The following POLRMT variants were observed in gnomAD, a reference collection of about 807,000 sequenced individuals.
POLRMT encodes RNA polymerase mitochondrial, also known as DNA-directed RNA polymerase, mitochondrial.
In POLRMT, 114 loss-of-function variants were observed where a neutral mutation model predicts 132.2. That is an observed-to-expected ratio of 0.86 (90% CI 0.74 to 1.01). The LOEUF (loss-of-function observed/expected upper bound fraction) is 1.01, where lower values mean the gene tolerates loss of function less well. Among genes scored for constraint, POLRMT ranks in the 50% least tolerant of loss-of-function variants. The pLI, the probability that POLRMT is intolerant of heterozygous loss-of-function variation, is 0.00. For missense variants in POLRMT, 2,003 were observed against 1,729.1 expected (o/e 1.16, Z -2.81); for synonymous variants, 1,020 against 773.4 (o/e 1.32, Z -5.29).
rs763402928 is a variant in POLRMT, at chr19:619,330, G to A, written c.3067-34C>T. On this transcript the variant is annotated intron_variant, in intron 13 of 20. Transcript: ENST00000588649. ...GGCGGGCAGCAGGTGCAGGTCCTCA[G>A]GGGCTGGCCCGTTCACGCCCTACTC... 70 of 1,598,350 alleles carry A rather than the reference G, an allele frequency of 4.4e-5. No homozygotes were observed. In the South Asian group the frequency reaches 6.6e-4, roughly 15 times the overall value.
chr19:629,648 C>T lies in POLRMT; in HGVS notation c.714G>A (p.Gln238=). 3 of 1,610,436 alleles carry T rather than the reference C, an allele frequency of 1.9e-6. No individual in the cohort carries two copies. Among genetic ancestry groups the T allele is most frequent in the Non-Finnish European group, 2.5e-6 (3 of 1,179,540 alleles). The stretch of plus-strand genomic sequence containing the variant: ...CCAGCAGGTGGTGGGCGAGGGGCAG[C>T]TGGTCAGTGAGCAGGCAGCACTTGA... ...AFFKCCLLTD[Q]LPLAHHLLVV... is the part of the protein sequence containing the mutation. The change falls in exon 3 of 21, where the codon CAG becomes CAA. Residue 238 remains glutamine, a synonymous_variant. Coordinates refer to ENST00000588649, the MANE Select transcript of POLRMT (RefSeq NM_005035.4).
chr19:629,660 C>A lies in POLRMT; in HGVS notation c.702G>T (p.Leu234=). ...QRLLAFFKCC[L]LTDQLPLAHH... ...GGGCGAGGGGCAGCTGGTCAGTGAG[C>A]AGGCAGCACTTGAAGAAGGCCAGGA... The change falls in exon 3 of 21, where the codon CTG becomes CTT. Residue 234 remains leucine (L), a synonymous_variant. Coordinates refer to ENST00000588649, the MANE Select transcript of POLRMT (RefSeq NM_005035.4). 1 of 1,610,324 alleles carries A rather than the reference C, an allele frequency of 6.2e-7. No individual in the cohort carries two copies. The highest frequency in any genetic ancestry group is 1.1e-5 in the South Asian group (1 of 90,924).
intron 2 of POLRMT, among the ~76,000 whole-genome samples, chr19:631,295 T>C (rs1365140458): frequency 8.2e-5 from 11 of 134,356 alleles, no homozygotes; most frequent in Non-Finnish European, 7.9e-5. Context: ...GCCACCGTGC[T>C]GCAGCCTGAG....
At chr19:633,097 G>A in intron 1 of POLRMT, 159 bp from the exon 2 acceptor site, 9 of 642,570 alleles carry the variant, frequency 1.4e-5, no homozygotes, top group Non-Finnish European at 1.7e-5. Context: ...CAGCGAAGGT[G>A]GAAGGGCCCC....
At chr19:619,341 GT>G (rs1817782291) in intron 13 of POLRMT, 45 bp from the exon 14 acceptor site, 2 of 1,575,406 alleles carry the variant, frequency 1.3e-6, no homozygotes, top group African/African-American at 2.7e-5. Context: ...GGGCTGGCCC[GT>G]TCACGCCCTA....
chr19:631,307 G>A (rs748914138), intron 2 of POLRMT, among the ~76,000 whole-genome samples: 1 of 133,728 alleles, frequency 7.5e-6, no homozygotes, highest in Non-Finnish European at 1.6e-5. Flanking sequence ...CAGCCTGAGA[G>A]ACAGAGCAGG....
At chr19:623,202 C>G (rs1357560744) in intron 6 of POLRMT, among the ~76,000 whole-genome samples, 5 of 152,262 alleles carry the variant, frequency 3.3e-5, no homozygotes, top group Admixed American at 3.3e-4. Context: ...CGCAGAAGCA[C>G]AGGCCAAGAC....
At chr19:618,410 G>C in intron 17 of POLRMT, 78 bp downstream of exon 17, 2 of 1,174,048 alleles carry the variant, frequency 1.7e-6, no homozygotes, top group Non-Finnish European at 2.4e-6. Flanking sequence ...GCTAGACCCA[G>C]CCTTGCCAGC....
intron 11 of POLRMT, 128 bp from the exon 12 acceptor site, chr19:620,208 G>A (rs1301688608): frequency 2.4e-5 from 35 of 1,465,728 alleles, no homozygotes; most frequent in Non-Finnish European, 3.0e-5. Flanking sequence ...CGGAGCCCCC[G>A]CACGCTCCCG....
Position 619,766 on chromosome 19 carries a change from C to G in POLRMT, c.2887-1G>C. ...CGTCCTGCCTACGGAACACCTCCAC[C>G]TGCACGGCGGGTGGGCCGGGGGCGC... On this transcript the variant is annotated splice_acceptor_variant, in intron 12 of 20. Coordinates refer to ENST00000588649, the MANE Select transcript of POLRMT (RefSeq NM_005035.4). LOFTEE classifies it high-confidence loss of function. 1.3e-6 allele frequency: 2 copies of G among 1,568,588 alleles called. No individual in the cohort carries two copies. Among genetic ancestry groups the G allele is most frequent in the Non-Finnish European group, 1.7e-6 (2 of 1,156,852 alleles).
At chr19:628,748 TA>T (rs1985200582) in intron 3 of POLRMT, among the ~76,000 whole-genome samples, 1 of 152,110 alleles carries the variant, frequency 6.6e-6, no homozygotes, top group Non-Finnish European at 1.5e-5. Context: ...CTCACGCCTG[TA>T]ATCTCAGCTC....
At chr19:623,985 C>T (rs1984833451) in intron 5 of POLRMT, among the ~76,000 whole-genome samples, 1 of 152,242 alleles carries the variant, frequency 6.6e-6, no homozygotes, top group Admixed American at 6.5e-5. Context: ...CAACTAAAGC[C>T]TAGCGCTTTG....
chr19:629,545 G>A lies in POLRMT; in HGVS notation c.817C>T (p.Arg273Trp), dbSNP rs763304123. Residue 273 changes from arginine (R) to tryptophan (W), a missense_variant, in exon 3 of 21, where the codon CGG becomes TGG. Coordinates refer to ENST00000588649, the MANE Select transcript of POLRMT (RefSeq NM_005035.4). ...MYNAVMLGWA[R>W]QGAFKELVYV... ...CGGCTCCCGGCTGCACTCACCTGCC[G>A]CGCCCAGCCAAGCATCACGGCGTTG... 43 of 1,523,838 alleles carry A rather than the reference G, an allele frequency of 2.8e-5. No homozygotes were observed. Among genetic ancestry groups the A allele is most frequent in the Non-Finnish European group, 3.6e-5 (41 of 1,135,044 alleles). The allele number at this position is 1,523,838 out of a possible 1,614,324, so 94.4% of individuals were successfully genotyped here. A position where few individuals can be genotyped will look rare whatever the true frequency, so the allele number is the denominator to read the frequency against.
intron 3 of POLRMT, among the ~76,000 whole-genome samples, chr19:628,196 C>G (rs1336507683): frequency 1.3e-5 from 2 of 152,170 alleles, no homozygotes; most frequent in Admixed American, 6.5e-5. Flanking sequence ...CTTCTGGGCT[C>G]GTGCTAAGAG....
At position 617,560 on chromosome 19, in the gene POLRMT, AGC is replaced by A; in HGVS notation, c.3581+8_3581+9del. On this transcript the variant is annotated splice_region_variant and intron_variant, in intron 19 of 20. Transcript: ENST00000588649. ...GGAATCCAGGTAGTTGGGGTCAGGG[AGC>A]GCCTTACTCAGAGCAGAACCGCTTG... 2 of 1,611,240 alleles carry A rather than the reference AGC, an allele frequency of 1.2e-6. No homozygotes were observed. The highest frequency in any genetic ancestry group is 1.7e-6 in the Non-Finnish European group (2 of 1,179,854).
At chr19:620,856 C>T (rs1382284109) in intron 10 of POLRMT, among the ~76,000 whole-genome samples, 2 of 89,602 alleles carry the variant, frequency 2.2e-5, no homozygotes, top group Non-Finnish European at 4.5e-5. Context: ...GCAGGGGGCG[C>T]GGGGGAGGAG....
At chr19:625,580 C>CT in intron 3 of POLRMT, 1 of 257,496 alleles carries the variant, frequency 3.9e-6, no homozygotes, top group East Asian at 7.9e-5. Context: ...CTGTTTCTGC[C>CT]TTCCATTTCA....
chr19:630,618 G>A (rs941413013), intron 2 of POLRMT, among the ~76,000 whole-genome samples: 2 of 151,992 alleles, frequency 1.3e-5, no homozygotes, highest in Admixed American at 1.3e-4. Context: ...CAGACTCCCA[G>A]GACCCTGAAC....
chr19:617,945 G>T, intron 17 of POLRMT, 96 bp from the exon 18 acceptor site: 1 of 1,179,126 alleles, frequency 8.5e-7, no homozygotes, highest in Non-Finnish European at 1.2e-6. Flanking sequence ...TCCACTTGAG[G>T]TCCAGGGAAG....
Sources: gnomAD v4.1 joint callset for allele counts (sites outside exome capture counted in the v4.1 genomes callset) on GRCh38, gnomAD v4.1.1 for gene constraint, MANE v1.5 for transcripts, NCBI Gene and HGNC (gene_info 2026-07-23, HGNC 2026-07-21) for gene names.